Variants in PARD3B observed in about 807,000 individuals in gnomAD.
The protein encoded by PARD3B is par-3 family cell polarity regulator beta, also known as partitioning defective 3 homolog B.
In PARD3B, 103 loss-of-function variants were observed where a neutral mutation model predicts 130.2. The observed-to-expected ratio is 0.79, with a 90% CI of 0.67 to 0.93. PARD3B has a LOEUF of 0.93. Ranked by LOEUF, PARD3B falls within the 40% of genes least tolerant of loss-of-function variation. The probability of loss-of-function intolerance (pLI) is 0.00; values close to 1 mark genes in which losing one functional copy is unlikely to be tolerated. For missense variants in PARD3B, 1,609 were observed against 1,499.2 expected (o/e 1.07, Z -1.21); for synonymous variants, 583 against 553.2 (o/e 1.05, Z -0.76).
intron 18 of PARD3B, among the ~76,000 whole-genome samples, chr2:205,334,834 A>T (rs952807007): frequency 1.3e-5 from 2 of 152,234 alleles, no homozygotes; most frequent in Admixed American, 6.5e-5. Flanking sequence ...AGGACAAAGC[A>T]TAAGTGAGAA....
rs56654511 is a variant in PARD3B at position 205,331,782 on chromosome 2, C to CAAAAAAAAAAAAAAAAAAAAAAAAAAA, written c.2630+30104_2630+30105insAAAAAAAAAAAAAAAAAAAAAAAAAAA. Among the ~76,000 whole-genome samples, 26 of 48,400 alleles carry CAAAAAAAAAAAAAAAAAAAAAAAAAAA rather than the reference C, an allele frequency of 5.4e-4. 3 individuals are homozygous for CAAAAAAAAAAAAAAAAAAAAAAAAAAA. The highest frequency in any genetic ancestry group is 2.3e-3 in the African/African-American group (21 of 9,300). 31.8% of individuals were successfully genotyped at this position (48,400 alleles called of 152,430 possible). On this transcript the variant is annotated intron_variant, in intron 18 of 22. Coordinates refer to ENST00000406610, the MANE Select transcript of PARD3B (RefSeq NM_001302769.2). The stretch of plus-strand genomic sequence containing the variant: ...TGGGCGACAGAGTGAGACTCCGTCT[C>CAAAAAAAAAAAAAAAAAAAAAAAAAAA]AAAAAAAAAAAAAAAAAAAAAAAGA...
intron 2 of PARD3B, among the ~76,000 whole-genome samples, chr2:204,921,539 C>T (rs2047681238): frequency 7.0e-6 from 1 of 142,028 alleles, no homozygotes; most frequent in Non-Finnish European, 1.6e-5. Flanking sequence ...GGAAGAAGCA[C>T]TCAAAAAAGA....
intron 2 of PARD3B, among the ~76,000 whole-genome samples, chr2:204,893,580 G>A (rs2046528327): frequency 6.6e-6 from 1 of 152,274 alleles, no homozygotes; most frequent in East Asian, 1.9e-4. Flanking sequence ...TCATTCAAAT[G>A]TGAAAAGATA....
At chr2:204,845,797 T>A (rs1402061530) in intron 2 of PARD3B, among the ~76,000 whole-genome samples, 3 of 152,104 alleles carry the variant, frequency 2.0e-5, no homozygotes, top group Non-Finnish European at 2.9e-5. Flanking sequence ...GGCTCACTAC[T>A]TAAAAGTCAT....
In PARD3B at chr2:204,678,286, C is replaced by T. The variant is rs1396313156; in HGVS notation, c.121-7895C>T. Among the ~76,000 whole-genome samples the T allele has an allele frequency of 6.6e-6, 1 of 152,156 alleles. No homozygotes were observed. Among genetic ancestry groups the T allele is most frequent in the East Asian group, 1.9e-4 (1 of 5,170 alleles). On this transcript the variant is annotated intron_variant, in intron 1 of 22. Transcript: ENST00000406610. The surrounding 1 kb of genome is among the most constrained non-coding windows in gnomAD (Gnocchi z 4.2). The stretch of plus-strand genomic sequence containing the variant: ...AGCAATCAGTGGTTGCCCGCAACTT[C>T]TGGAGCCCCAGAGGTTGTGTATTAC...
At chr2:205,389,738 A>T (rs1240421051) in intron 18 of PARD3B, among the ~76,000 whole-genome samples, 1 of 152,220 alleles carries the variant, frequency 6.6e-6, no homozygotes, top group Non-Finnish European at 1.5e-5. Context: ...CTTGACACAT[A>T]TATTTATTTG....
At chr2:205,296,898 AT>A (rs912343791) in intron 16 of PARD3B, among the ~76,000 whole-genome samples, 1 of 151,582 alleles carries the variant, frequency 6.6e-6, no homozygotes, top group Non-Finnish European at 1.5e-5. Flanking sequence ...AATATGTGGC[AT>A]TTTTTTAATG....
intron 7 of PARD3B, among the ~76,000 whole-genome samples, chr2:205,120,204 T>C (rs936528690): frequency 3.4e-4 from 51 of 152,230 alleles, no homozygotes; most frequent in African/African-American, 1.2e-3. Context: ...AATATACTAC[T>C]GTGCTTTTTC....
At chr2:205,368,187 AGTGG>A (rs2044678581) in intron 18 of PARD3B, among the ~76,000 whole-genome samples, 1 of 152,230 alleles carries the variant, frequency 6.6e-6, no homozygotes, top group Non-Finnish European at 1.5e-5. Flanking sequence ...GCATGATTCC[AGTGG>A]TGGATCTTTA....
At chr2:205,238,534 A>G (rs981000436) in intron 15 of PARD3B, among the ~76,000 whole-genome samples, 1 of 152,118 alleles carries the variant, frequency 6.6e-6, no homozygotes, top group African/African-American at 2.4e-5. Context: ...AAAAACAATA[A>G]TAAAAAATAT....
At position 204,689,922 on chromosome 2, in the gene PARD3B, C is replaced by G. The variant is rs372006535; in HGVS notation, c.222+3640C>G. Among the ~76,000 whole-genome samples the G allele has an allele frequency of 6.6e-6, 1 of 152,094 alleles. No homozygotes were observed. The highest frequency in any genetic ancestry group is 2.4e-5 in the African/African-American group (1 of 41,430). ...TAAATTAACATGAATTTTGCTTTTA[C>G]GTAGTCACCACCATTGCTAAGAAAA... On this transcript the variant is annotated intron_variant, in intron 2 of 22. Coordinates refer to ENST00000406610, the MANE Select transcript of PARD3B (RefSeq NM_001302769.2). The surrounding 1 kb of genome is among the most constrained non-coding windows in gnomAD (Gnocchi z 5.2).
intron 3 of PARD3B, among the ~76,000 whole-genome samples, chr2:204,986,049 C>T (rs1211341462): frequency 1.6e-5 from 2 of 128,964 alleles, no homozygotes; most frequent in African/African-American, 5.9e-5. Context: ...TGCAGTGAGC[C>T]GAGATAGTGC....
intron 5 of PARD3B, among the ~76,000 whole-genome samples, chr2:205,106,747 T>C (rs1703250440): frequency 6.6e-6 from 1 of 152,126 alleles, no homozygotes; most frequent in Non-Finnish European, 1.5e-5. Flanking sequence ...GCTAGGAAAC[T>C]TCTCATATAA....
At chr2:205,583,319 A>G (rs557706466) in intron 22 of PARD3B, among the ~76,000 whole-genome samples, 12 of 152,228 alleles carry the variant, frequency 7.9e-5, no homozygotes, top group African/African-American at 2.9e-4. Flanking sequence ...GATGGAAGGA[A>G]TTAGGAAACG....
chr2:205,433,423 A>T (rs1230037870), intron 19 of PARD3B, among the ~76,000 whole-genome samples: 2 of 151,546 alleles, frequency 1.3e-5, no homozygotes, highest in South Asian at 2.1e-4. Flanking sequence ...TCCCAGCTAC[A>T]CAGGAGGCTG....
chr2:205,553,587 A>T (rs527571998), intron 22 of PARD3B, among the ~76,000 whole-genome samples, 184 bp downstream of exon 22: 3 of 152,194 alleles, frequency 2.0e-5, no homozygotes, highest in Non-Finnish European at 2.9e-5. Flanking sequence ...CTTGTGGGTT[A>T]TTTTTAAGGG....
chr2:204,965,922 G>T (rs1266374446), intron 3 of PARD3B, among the ~76,000 whole-genome samples: 1 of 152,094 alleles, frequency 6.6e-6, no homozygotes, highest in South Asian at 2.1e-4. Context: ...GTCTGTTTTG[G>T]TGATACCTCC....
chr2:204,869,549 T>C (rs773819998), intron 2 of PARD3B, among the ~76,000 whole-genome samples: 1 of 152,174 alleles, frequency 6.6e-6, no homozygotes, highest in Non-Finnish European at 1.5e-5. Flanking sequence ...TTACCGAGAT[T>C]ATATTTAGGA....
At chr2:204,806,309 A>G (rs946313031) in intron 2 of PARD3B, among the ~76,000 whole-genome samples, 1 of 152,214 alleles carries the variant, frequency 6.6e-6, no homozygotes, top group African/African-American at 2.4e-5. Flanking sequence ...CCAATGGAAC[A>G]GAATAGGGAA....
Sources: allele counts gnomAD v4.1 joint callset (sites outside exome capture counted in the v4.1 genomes callset), GRCh38; gene constraint gnomAD v4.1.1; non-coding constraint Gnocchi (gnomAD v3.1); transcripts MANE v1.5; gene names NCBI Gene and HGNC (gene_info 2026-07-23, HGNC 2026-07-21).